Variants in FSTL5 observed in about 807,000 individuals in gnomAD.
FSTL5 encodes follistatin like 5.
In FSTL5, 62 loss-of-function variants were observed where a neutral mutation model predicts 89.1. That is an observed-to-expected ratio of 0.70 (90% confidence interval 0.57 to 0.86). The LOEUF (loss-of-function observed/expected upper bound fraction) is 0.86. Among genes scored for constraint, FSTL5 ranks in the 40% least tolerant of loss-of-function variants. The pLI is 0.00. For missense variants in FSTL5, 1,057 were observed against 1,001.6 expected, an observed-to-expected ratio of 1.06 and a Z score of -0.75; for synonymous variants, 383 against 346.2, an observed-to-expected ratio of 1.11 and a Z score of -1.18.
rs1458399339 is a variant in FSTL5 at position 161,943,287 on chromosome 4, T to C, written c.161-22635A>G. Among the ~76,000 whole-genome samples, 8 of 151,850 alleles carry C rather than the reference T, an allele frequency of 5.3e-5. 1 individual carries two copies. The South Asian group carries it at 1.7e-3, about 31-fold the overall frequency. The stretch of plus-strand genomic sequence containing the variant: ...ATAGCTTTCTAATAGTAATATATTA[T>C]TATATTTTGATAGTTTCAATGCTAA... On this transcript the variant is annotated intron_variant, in intron 3 of 15. Transcript: ENST00000306100.
At chr4:161,788,727 C>T (rs1460721889) in intron 4 of FSTL5, among the ~76,000 whole-genome samples, 1 of 151,976 alleles carries the variant, frequency 6.6e-6, no homozygotes, top group Non-Finnish European at 1.5e-5. Context: ...CCCTGTCTCT[C>T]CAAAAATAAT....
Position 161,502,455 on chromosome 4 carries a change from G to GT in FSTL5, c.1340-2322dup, listed in dbSNP as rs544378786. 8.9e-4 allele frequency among the ~76,000 whole-genome samples: 135 copies of GT among 151,872 alleles called. 2 individuals carry two copies. In the Middle Eastern group the frequency reaches 0.027, roughly 31 times the overall value. ...TACAGATATTATTAGTCAAGATTTAGTTTTTTATTTGACTGTTTTCAATGA... is the reference window on the plus strand; with the variant it reads ...TACAGATATTATTAGTCAAGATTTAGTTTTTTTATTTGACTGTTTTCAATGA... On this transcript the variant is annotated intron_variant, in intron 11 of 15. Transcript: ENST00000306100.
chr4:162,153,718 A>AATAATATGTATATTATATATGTAT (rs1733339262), intron 1 of FSTL5, among the ~76,000 whole-genome samples: 2 of 133,854 alleles, frequency 1.5e-5, no homozygotes, highest in Non-Finnish European at 3.1e-5. Flanking sequence ...ATATGTATAT[A>AATAATATGTATATTATATATGTAT]ATAATATATG....
chr4:161,418,584 A>G (rs1193064785), intron 15 of FSTL5, among the ~76,000 whole-genome samples: 4 of 152,180 alleles, frequency 2.6e-5, no homozygotes, highest in African/African-American at 9.7e-5. Flanking sequence ...ATTTTCTATT[A>G]ATCTTTATGT....
At chr4:161,721,251 G>C (rs1739199120) in intron 6 of FSTL5, among the ~76,000 whole-genome samples, 1 of 135,738 alleles carries the variant, frequency 7.4e-6, no homozygotes, top group Admixed American at 8.2e-5. Context: ...GCAGTCCGCA[G>C]TCCGGCCTGG....
chr4:161,641,648 C>G (rs868024397), intron 7 of FSTL5, among the ~76,000 whole-genome samples: 1 of 151,900 alleles, frequency 6.6e-6, no homozygotes, highest in Non-Finnish European at 1.5e-5. Context: ...TACGCCCCCA[C>G]GCCCAGATAA....
chr4:161,827,200 G>A lies in FSTL5; in HGVS notation c.410-51126C>T, dbSNP rs117562411. ...CCTAGGAATGCGGCTTCCTGAGAGCGGAACTGTAGTGATTATTTCTCTTCT... is the reference window on the plus strand; with the variant it reads ...CCTAGGAATGCGGCTTCCTGAGAGCAGAACTGTAGTGATTATTTCTCTTCT... On this transcript the variant is annotated intron_variant, in intron 4 of 15. Coordinates refer to ENST00000306100, the MANE Select transcript of FSTL5 (RefSeq NM_020116.5). 4.8e-3 allele frequency among the ~76,000 whole-genome samples: 726 copies of A among 152,220 alleles called. 12 individuals are homozygous for A. Among genetic ancestry groups the A allele is most frequent in the East Asian group, 0.037 (191 of 5,140 alleles).
intron 1 of FSTL5, among the ~76,000 whole-genome samples, chr4:162,124,699 TTTTG>T (rs921795973): frequency 4.0e-5 from 6 of 150,170 alleles, no homozygotes; most frequent in African/African-American, 1.3e-4. Flanking sequence ...TCACTCCTTT[TTTTG>T]TTTGTTTTTT....
At chr4:161,439,568 C>G (rs904868565) in intron 15 of FSTL5, among the ~76,000 whole-genome samples, 2 of 152,152 alleles carry the variant, frequency 1.3e-5, no homozygotes, top group African/African-American at 4.8e-5. Context: ...TAGGCATCAT[C>G]ATCATTACAA....
At chr4:161,431,394 G>C (rs2126341020) in intron 15 of FSTL5, among the ~76,000 whole-genome samples, 1 of 151,756 alleles carries the variant, frequency 6.6e-6, no homozygotes, top group South Asian at 2.1e-4. Flanking sequence ...ATAGCTATCA[G>C]TTTAAAATAA....
intron 3 of FSTL5, among the ~76,000 whole-genome samples, chr4:162,008,520 T>C (rs906302661): frequency 1.3e-5 from 2 of 151,892 alleles, no homozygotes; most frequent in African/African-American, 4.8e-5. Context: ...AATCTGGAGA[T>C]GGTCTAAAAC....
At chr4:161,495,875 A>G (rs1169347500) in intron 12 of FSTL5, among the ~76,000 whole-genome samples, 1 of 152,128 alleles carries the variant, frequency 6.6e-6, no homozygotes, top group Non-Finnish European at 1.5e-5. Context: ...TGTCTTCTAA[A>G]ATGAAACACA....
At chr4:161,633,640 C>T (rs940155858) in intron 7 of FSTL5, among the ~76,000 whole-genome samples, 6 of 152,014 alleles carry the variant, frequency 3.9e-5, no homozygotes, top group African/African-American at 1.4e-4. Context: ...CCACCGCACC[C>T]AGCCTAGCTT....
Position 161,496,403 on chromosome 4 carries a change from T to C in FSTL5, c.1458+3613A>G, listed in dbSNP as rs535377788. Among the ~76,000 whole-genome samples the C allele has an allele frequency of 2.0e-5, 3 of 152,314 alleles. No homozygotes were observed. In the South Asian group the frequency reaches 6.2e-4, roughly 32 times the overall value. On this transcript the variant is annotated intron_variant, in intron 12 of 15. Transcript: ENST00000306100. ...ATGCTTGTGAGGTGATTAGCATTTATAATTAGTTGACTTTAAGTAAACAGA... is the reference window on the plus strand; with the variant it reads ...ATGCTTGTGAGGTGATTAGCATTTACAATTAGTTGACTTTAAGTAAACAGA...
Position 161,385,656 on chromosome 4 carries a change from T to C in FSTL5, c.*91A>G, listed in dbSNP as rs1578932946. 5 of 1,029,516 alleles carry C rather than the reference T, an allele frequency of 4.9e-6. No individual in the cohort carries two copies. The highest frequency in any genetic ancestry group is 2.2e-4 in the Middle Eastern group (1 of 4,602). The allele number at this position is 1,029,516 out of a possible 1,614,324, so 63.8% of individuals were successfully genotyped here. On this transcript the variant is annotated 3_prime_UTR_variant, in exon 16 of 16. Coordinates refer to ENST00000306100, the MANE Select transcript of FSTL5 (RefSeq NM_020116.5). Reference sequence around the variant, plus strand: ...AAGTAAATTTTGTTTGACTAGGATATAAACTTGGAAAGTTAAGTTGTAAAT... The same window carrying C: ...AAGTAAATTTTGTTTGACTAGGATACAAACTTGGAAAGTTAAGTTGTAAAT...
At chr4:161,914,118 G>C (rs1299450644) in intron 4 of FSTL5, among the ~76,000 whole-genome samples, 1 of 152,118 alleles carries the variant, frequency 6.6e-6, no homozygotes, top group Non-Finnish European at 1.5e-5. Context: ...AATTCCACGT[G>C]CTGTGGGAGA....
At chr4:162,135,030 T>A (rs968349090) in intron 1 of FSTL5, among the ~76,000 whole-genome samples, 12 of 152,222 alleles carry the variant, frequency 7.9e-5, no homozygotes, top group Non-Finnish European at 1.8e-4. Flanking sequence ...CTTTGATTAC[T>A]ACTTTTTAAA....
chr4:161,640,266 T>C (rs955658647), intron 7 of FSTL5, among the ~76,000 whole-genome samples: 3 of 152,110 alleles, frequency 2.0e-5, no homozygotes, highest in Non-Finnish European at 4.4e-5. Context: ...AAATTTAACA[T>C]GTATATGAAG....
At chr4:161,498,923 G>A (rs186583638) in intron 12 of FSTL5, among the ~76,000 whole-genome samples, 111 of 152,182 alleles carry the variant, frequency 7.3e-4, no homozygotes, top group Middle Eastern at 3.4e-3. Flanking sequence ...AAATAGGGCC[G>A]AGTGAAGTGG....
Sources: allele counts gnomAD v4.1 joint callset (sites outside exome capture counted in the v4.1 genomes callset), GRCh38; gene constraint gnomAD v4.1.1; transcripts MANE v1.5; gene names NCBI Gene and HGNC (gene_info 2026-07-23, HGNC 2026-07-21).